ZRANB3: variants seen among roughly 807,000 people sequenced by gnomAD.
The protein encoded by ZRANB3 is zinc finger RANBP2-type containing 3.
In ZRANB3, 125 loss-of-function variants were observed where a neutral mutation model predicts 133.8. The observed-to-expected ratio is 0.93, with a 90% confidence interval of 0.81 to 1.08. The LOEUF is 1.08. Ranked by LOEUF, ZRANB3 falls within the 50% of genes least tolerant of loss-of-function variation. The pLI is 0.00. For missense variants in ZRANB3, 1,229 were observed against 1,275.5 expected, an observed-to-expected ratio of 0.96 and a Z score of 0.56; for synonymous variants, 387 against 432.7, an observed-to-expected ratio of 0.89 and a Z score of 1.31.
chr2:135,528,533 A>G (rs1173532346), intron 1 of ZRANB3, among the ~76,000 whole-genome samples: 3 of 152,320 alleles, frequency 2.0e-5, no homozygotes, highest in East Asian at 3.9e-4. Context: ...CATAAGGAAA[A>G]TGTACTTATC....
At chr2:135,391,159 A>T (rs1687215127) in intron 2 of ZRANB3, among the ~76,000 whole-genome samples, 1 of 152,142 alleles carries the variant, frequency 6.6e-6, no homozygotes, top group Admixed American at 6.5e-5. Context: ...GTGCCCGGCC[A>T]AAGTGAACCA....
At chr2:135,392,501 G>A (rs879759975) in intron 2 of ZRANB3, among the ~76,000 whole-genome samples, 1 of 152,018 alleles carries the variant, frequency 6.6e-6, no homozygotes, top group Non-Finnish European at 1.5e-5. Flanking sequence ...TGTAATCCCA[G>A]CACTTTGGGA....
intron 2 of ZRANB3, among the ~76,000 whole-genome samples, chr2:135,483,356 T>G (rs1002697994): frequency 2.6e-5 from 4 of 152,262 alleles, no homozygotes; most frequent in African/African-American, 7.2e-5. Context: ...GAGAGTGTAT[T>G]TGTCGAGGAA....
intron 3 of ZRANB3, among the ~76,000 whole-genome samples, chr2:135,383,524 C>G (rs1353687824): frequency 6.6e-6 from 1 of 152,136 alleles, no homozygotes; most frequent in Non-Finnish European, 1.5e-5. Flanking sequence ...ACTCTCCACC[C>G]CAAATCAACA....
intron 2 of ZRANB3, among the ~76,000 whole-genome samples, chr2:135,449,190 C>A (rs191361420): frequency 4.6e-5 from 7 of 152,222 alleles, no homozygotes; most frequent in Admixed American, 3.9e-4. Flanking sequence ...AGCAAAGAAC[C>A]TAAATCAACT....
At chr2:135,510,154 G>GAAA (rs780605135) in intron 1 of ZRANB3, among the ~76,000 whole-genome samples, 2 of 152,108 alleles carry the variant, frequency 1.3e-5, no homozygotes, top group Non-Finnish European at 2.9e-5. Flanking sequence ...GAAACACACA[G>GAAA]AAAGTAAGAA....
chr2:135,209,365 C>G (rs1694007996), intron 17 of ZRANB3, among the ~76,000 whole-genome samples: 1 of 152,188 alleles, frequency 6.6e-6, no homozygotes, highest in Admixed American at 6.5e-5. Flanking sequence ...TGTATTTTAC[C>G]TCCCTCTTGG....
intron 2 of ZRANB3, among the ~76,000 whole-genome samples, chr2:135,447,448 C>T (rs1183875469): frequency 6.6e-6 from 1 of 152,174 alleles, no homozygotes; most frequent in Non-Finnish European, 1.5e-5. Context: ...TTTATAAATG[C>T]TGTGGCTTTT....
chr2:135,222,350 C>T (rs757478839), intron 15 of ZRANB3, among the ~76,000 whole-genome samples: 4 of 150,236 alleles, frequency 2.7e-5, no homozygotes, highest in Admixed American at 6.7e-5. Context: ...TGCAGTGAAC[C>T]GAGATCGCAC....
chr2:135,296,608 T>C (rs1182748233), intron 8 of ZRANB3, among the ~76,000 whole-genome samples: 1 of 152,218 alleles, frequency 6.6e-6, no homozygotes, highest in African/African-American at 2.4e-5. Flanking sequence ...TCCAGCTTTG[T>C]TCTGTTGCTG....
intron 2 of ZRANB3, among the ~76,000 whole-genome samples, chr2:135,434,376 T>C (rs1329820138): frequency 6.6e-6 from 1 of 152,174 alleles, no homozygotes; most frequent in African/African-American, 2.4e-5. Context: ...AAGAGAAGAC[T>C]GAATGATGCA....
chr2:135,408,560 G>A (rs1688153430), intron 2 of ZRANB3, among the ~76,000 whole-genome samples: 1 of 152,108 alleles, frequency 6.6e-6, no homozygotes, highest in African/African-American at 2.4e-5. Flanking sequence ...CAATAGCAAA[G>A]ACTTGGAACC....
Position 135,494,638 on chromosome 2 carries a change from C to G in ZRANB3, c.161+9691G>C, listed in dbSNP as rs536924277. Among the ~76,000 whole-genome samples the G allele has an allele frequency of 3.3e-5, 5 of 152,248 alleles. No individual in the cohort carries two copies. The East Asian group carries it at 9.6e-4, about 29-fold the overall frequency. On this transcript the variant is annotated intron_variant, in intron 2 of 20. Coordinates refer to ENST00000264159, the MANE Select transcript of ZRANB3 (RefSeq NM_032143.4). ...CAGTGAAACTGGACCAAACTTTGGCCAGGAACTTGGCCTTGGGGCTAAGAG... is the reference window on the plus strand; with the variant it reads ...CAGTGAAACTGGACCAAACTTTGGCGAGGAACTTGGCCTTGGGGCTAAGAG...
At chr2:135,419,163 T>C (rs912242939) in intron 2 of ZRANB3, among the ~76,000 whole-genome samples, 6 of 151,730 alleles carry the variant, frequency 4.0e-5, no homozygotes, top group Non-Finnish European at 7.4e-5. Flanking sequence ...GTTCTCGATC[T>C]CCTGACCTCG....
chr2:135,531,129 C>T lies in ZRANB3; in HGVS notation c.-10G>A, dbSNP rs1170614563. 1 of 152,164 alleles carries T rather than the reference C, an allele frequency of 6.6e-6. No homozygotes were observed. The highest frequency in any genetic ancestry group is 2.4e-5 in the African/African-American group (1 of 41,418). The allele number at this position is 152,164 out of a possible 1,614,324, so 9.4% of individuals were successfully genotyped here. On this transcript the variant is annotated splice_region_variant and 5_prime_UTR_variant, in exon 1 of 21. Transcript: ENST00000264159. ...AGATCTGGTTGTCTTTTAAATACCT[C>T]GAGTCAGTAAAAACTCACGAAACTC...
chr2:135,505,003 G>A (rs1431815427), intron 1 of ZRANB3, among the ~76,000 whole-genome samples: 2 of 151,894 alleles, frequency 1.3e-5, no homozygotes, highest in African/African-American at 2.4e-5. Context: ...TTAAATTAAT[G>A]TAATATTATT....
At chr2:135,497,969 C>T (rs1303293461) in intron 2 of ZRANB3, among the ~76,000 whole-genome samples, 1 of 151,962 alleles carries the variant, frequency 6.6e-6, no homozygotes, top group East Asian at 1.9e-4. Flanking sequence ...AGGAGAATCG[C>T]TGGAACCCAG....
At chr2:135,406,786 C>A (rs1327063880) in intron 2 of ZRANB3, among the ~76,000 whole-genome samples, 18 of 152,060 alleles carry the variant, frequency 1.2e-4, no homozygotes, top group Admixed American at 2.6e-4. Flanking sequence ...TCATGCTAAA[C>A]ACTCTCAATA....
intron 6 of ZRANB3, among the ~76,000 whole-genome samples, chr2:135,321,849 T>A (rs1447438743): frequency 6.6e-6 from 1 of 152,190 alleles, no homozygotes; most frequent in East Asian, 1.9e-4. Flanking sequence ...CTTTATCAAA[T>A]ATGTAGTTTA....
Sources: gnomAD v4.1 joint callset for allele counts (sites outside exome capture counted in the v4.1 genomes callset) on GRCh38, gnomAD v4.1.1 for gene constraint, MANE v1.5 for transcripts, NCBI Gene and HGNC (gene_info 2026-07-23, HGNC 2026-07-21) for gene names.